The following CEMIP2 variants were observed in gnomAD, a reference collection of about 807,000 sequenced individuals.
CEMIP2 encodes the protein cell surface hyaluronidase CEMIP2.
CEMIP2 carries 79 observed loss-of-function variants against 146.9 expected under a neutral mutation model. That is an observed-to-expected ratio of 0.54 (90% CI 0.45 to 0.65). The LOEUF is 0.65. Among genes scored for constraint, CEMIP2 ranks in the 30% least tolerant of loss-of-function variants. The pLI is 0.00. For missense variants in CEMIP2, 1,596 were observed against 1,696.2 expected (o/e 0.94, Z 1.04); for synonymous variants, 601 against 606.3 (o/e 0.99, Z 0.13).
chr9:71,706,413 A>C (rs1405591001), intron 17 of CEMIP2, among the ~76,000 whole-genome samples: 1 of 152,098 alleles, frequency 6.6e-6, no homozygotes, highest in African/African-American at 2.4e-5. Flanking sequence ...CTCAGGAGTA[A>C]ATTTCTGGTC....
At chr9:71,748,636 C>A (rs1824156568) in intron 2 of CEMIP2, among the ~76,000 whole-genome samples, 1 of 152,158 alleles carries the variant, frequency 6.6e-6, no homozygotes, top group African/African-American at 2.4e-5. Flanking sequence ...TATTATGAAT[C>A]AGCACAGAGA....
chr9:71,754,982 A>G lies in CEMIP2; in HGVS notation c.-12-4597T>C, dbSNP rs564899905. ...TGTCTAATTCTCAGTTGCCCCCACA[A>G]AAAGATACCTTAAAAACTCACTGTT... On this transcript the variant is annotated intron_variant, in intron 1 of 23. Coordinates refer to ENST00000377044, the MANE Select transcript of CEMIP2 (RefSeq NM_013390.3). Among the ~76,000 whole-genome samples the G allele has an allele frequency of 3.9e-5, 6 of 152,274 alleles. No individual in the cohort carries two copies. In the East Asian group the frequency reaches 9.6e-4, roughly 24 times the overall value.
chr9:71,754,732 A>G (rs577428632), intron 1 of CEMIP2, among the ~76,000 whole-genome samples: 1 of 152,246 alleles, frequency 6.6e-6, no homozygotes, highest in Non-Finnish European at 1.5e-5. Context: ...GTATTTATTT[A>G]CTGGATTATA....
At chr9:71,711,767 T>A (rs1157557995) in intron 16 of CEMIP2, among the ~76,000 whole-genome samples, 1 of 152,178 alleles carries the variant, frequency 6.6e-6, no homozygotes, top group Non-Finnish European at 1.5e-5. Context: ...CCAACCAGCG[T>A]ATTTCACTGA....
At chr9:71,758,276 T>C (rs552638842) in intron 1 of CEMIP2, among the ~76,000 whole-genome samples, 3 of 152,276 alleles carry the variant, frequency 2.0e-5, no homozygotes, top group African/African-American at 7.2e-5. Flanking sequence ...TCTAAACAGG[T>C]GTGGGGCCAA....
rs200911473 is a variant in CEMIP2, at chr9:71,732,487, A to G, written c.1427T>C (p.Ile476Thr). Residue 476 changes from isoleucine to threonine, a missense_variant, in exon 7 of 24, where the codon ATA becomes ACA. Ile to Thr is a moderately conservative substitution (Grantham distance 89, BLOSUM62 -1). Transcript: ENST00000377044. ...CTCAGCTCTCATGTCTACACCGTCT[A>G]TGATCTCACCCATGTGCAGGAACTG... ...TPQFLHMGEIIDGVDMRAEVG... is the reference protein window; with the variant it reads ...TPQFLHMGEITDGVDMRAEVG... 1.9e-4 allele frequency: 310 copies of G among 1,612,894 alleles called. No homozygotes were observed. The highest frequency in any genetic ancestry group is 2.5e-4 in the Non-Finnish European group (300 of 1,179,790).
At chr9:71,758,955 C>G (rs1376570112) in intron 1 of CEMIP2, among the ~76,000 whole-genome samples, 3 of 152,144 alleles carry the variant, frequency 2.0e-5, no homozygotes, top group Non-Finnish European at 4.4e-5. Context: ...CAGTATGAGT[C>G]ACAATCACCT....
In CEMIP2 at chr9:71,712,491, A is replaced by T. The variant is rs118038081; in HGVS notation, c.2592-231T>A. 178 of 470,812 alleles carry T rather than the reference A, an allele frequency of 3.8e-4. 2 individuals carry two copies. The East Asian group carries it at 6.1e-3, about 16-fold the overall frequency. The allele number at this position is 470,812 out of a possible 1,614,324, so 29.2% of individuals were successfully genotyped here. ...AAATAAGTGCTATAGAGACCATAAG[A>T]CACAACATTATCATAGATTGGGTGG... On this transcript the variant is annotated intron_variant, in intron 15 of 23. Transcript: ENST00000377044.
At chr9:71,692,369 C>A (rs1589125847) in intron 21 of CEMIP2, among the ~76,000 whole-genome samples, 1 of 128,246 alleles carries the variant, frequency 7.8e-6, no homozygotes, top group Non-Finnish European at 1.6e-5. Flanking sequence ...CCCCCCATCT[C>A]TCTCTCTCTC....
chr9:71,712,780 G>T (rs1822946450), intron 15 of CEMIP2, among the ~76,000 whole-genome samples: 7 of 152,182 alleles, frequency 4.6e-5, no homozygotes, highest in Admixed American at 4.6e-4. Flanking sequence ...TGTCAACAGG[G>T]TTAGCTAGAC....
At chr9:71,697,794 T>C in intron 20 of CEMIP2, 191 bp downstream of exon 20, 1 of 571,890 alleles carries the variant, frequency 1.7e-6, no homozygotes, top group Non-Finnish European at 3.1e-6. Flanking sequence ...CAGGGGCAAG[T>C]ATCTCTGTCA....
At chr9:71,718,123 C>T (rs773062119) in intron 12 of CEMIP2, 44 bp from the exon 13 acceptor site, 2 of 1,545,902 alleles carry the variant, frequency 1.3e-6, no homozygotes, top group Non-Finnish European at 1.7e-6. Context: ...ACATAAAAGC[C>T]ATAGGAATTA....
At chr9:71,764,062 T>C (rs1313834516) in intron 1 of CEMIP2, among the ~76,000 whole-genome samples, 1 of 152,194 alleles carries the variant, frequency 6.6e-6, no homozygotes, top group Non-Finnish European at 1.5e-5. Context: ...TGCAAACATA[T>C]TCTAGTATGC....
At chr9:71,729,976 C>A in intron 9 of CEMIP2, 62 bp from the exon 10 acceptor site, 1 of 1,613,092 alleles carries the variant, frequency 6.2e-7, no homozygotes, top group Non-Finnish European at 8.5e-7. Context: ...CCACTAAAAA[C>A]TTCCCCCAAA....
chr9:71,755,268 T>C (rs1554689123), intron 1 of CEMIP2, among the ~76,000 whole-genome samples: 1 of 150,486 alleles, frequency 6.6e-6, no homozygotes, highest in Non-Finnish European at 1.5e-5. Context: ...CTCAGTGCTT[T>C]GGGGGGTCAA....
chr9:71,707,212 C>T (rs917966321), intron 17 of CEMIP2, among the ~76,000 whole-genome samples: 1 of 152,100 alleles, frequency 6.6e-6, no homozygotes, highest in East Asian at 1.9e-4. Flanking sequence ...TTGGGGAAGG[C>T]AATTCTGATT....
chr9:71,725,018 T>TGTTGCACATACCTGTATGC lies in CEMIP2; in HGVS notation c.2178+544_2178+562dup, dbSNP rs1554684079. 2.4e-3 allele frequency among the ~76,000 whole-genome samples: 343 copies of TGTTGCACATACCTGTATGC among 141,122 alleles called. 1 individual carries two copies. Among genetic ancestry groups the TGTTGCACATACCTGTATGC allele is most frequent in the South Asian group, 6.1e-3 (27 of 4,420 alleles). 92.6% of individuals were successfully genotyped at this position (141,122 alleles called of 152,430 possible). On this transcript the variant is annotated intron_variant, in intron 11 of 23. Coordinates refer to ENST00000377044, the MANE Select transcript of CEMIP2 (RefSeq NM_013390.3). ...TATTCAGGTTACACGTGCATGTATG[T>TGTTGCACATACCTGTATGC]GTTGCACATACCTGTATGCGCAATA...
intron 18 of CEMIP2, among the ~76,000 whole-genome samples, chr9:71,701,271 A>C (rs3780607): frequency 0.31 from 46,695 of 151,790 alleles, 8,212 homozygotes; most frequent in Non-Finnish European, 0.4. Context: ...ATGCACGGCT[A>C]ATTTTTGTAC....
At chr9:71,766,698 T>C (rs568852565) in intron 1 of CEMIP2, among the ~76,000 whole-genome samples, 1 of 152,224 alleles carries the variant, frequency 6.6e-6, no homozygotes, top group Non-Finnish European at 1.5e-5. Context: ...CATGTAAGAA[T>C]TTACAGATTC....
Sources: gnomAD v4.1 joint callset for allele counts (sites outside exome capture counted in the v4.1 genomes callset) on GRCh38, gnomAD v4.1.1 for gene constraint, MANE v1.5 for transcripts, NCBI Gene and HGNC (gene_info 2026-07-23, HGNC 2026-07-21) for gene names.